The following AQP11 variants were observed in gnomAD, a reference collection of about 807,000 sequenced individuals.
AQP11 encodes aquaporin 11.
Under a neutral mutation model 21.1 loss-of-function variants are expected in AQP11, and 20 were observed. The observed-to-expected ratio is 0.95, with a 90% CI of 0.67 to 1.38. The LOEUF is 1.38. Ranked by LOEUF, AQP11 falls within the 40% of genes most tolerant of loss-of-function variation. The probability of loss-of-function intolerance (pLI) is 0.00; values close to 1 mark genes in which losing one functional copy is unlikely to be tolerated. For missense variants in AQP11, 339 were observed against 340.4 expected (o/e 1.00, Z 0.03); for synonymous variants, 167 against 150.1 (o/e 1.11, Z -0.82).
At chr11:77,600,128 T>TC (rs1276255328) in intron 1 of AQP11, among the ~76,000 whole-genome samples, 1 of 149,886 alleles carries the variant, frequency 6.7e-6, no homozygotes, top group Non-Finnish European at 1.5e-5. Context: ...CCCAGCTATT[T>TC]TTTTTTTTTT....
chr11:77,602,557 T>C (rs1054068163), intron 1 of AQP11, among the ~76,000 whole-genome samples: 12 of 152,202 alleles, frequency 7.9e-5, no homozygotes, highest in Non-Finnish European at 1.3e-4. Context: ...GCTGTGAGGC[T>C]GGTACACTAG....
intron 1 of AQP11, among the ~76,000 whole-genome samples, chr11:77,595,057 C>G (rs1170501507): frequency 6.6e-6 from 1 of 152,088 alleles, no homozygotes; most frequent in African/African-American, 2.4e-5. Flanking sequence ...TGAAAAACAC[C>G]TGGGCCGGGT....
At chr11:77,591,032 A>G (rs560396923) in intron 1 of AQP11, 2 of 985,432 alleles carry the variant, frequency 2.0e-6, no homozygotes, top group African/African-American at 3.5e-5. Context: ...CACAAGGCAC[A>G]TGATTGGTTA....
chr11:77,591,208 A>G (rs1367222138), intron 1 of AQP11: 37 of 946,406 alleles, frequency 3.9e-5, no homozygotes, highest in Non-Finnish European at 4.5e-5. Flanking sequence ...TATTAAGAAA[A>G]ATGTTTAAAT....
intron 1 of AQP11, among the ~76,000 whole-genome samples, chr11:77,593,059 T>G (rs535301284): frequency 2.1e-3 from 317 of 152,354 alleles, no homozygotes; most frequent in African/African-American, 7.2e-3. Flanking sequence ...ACACTTAAAT[T>G]AACTGAAATT....
chr11:77,602,103 TG>T (rs1958818714), intron 1 of AQP11, among the ~76,000 whole-genome samples: 2 of 152,220 alleles, frequency 1.3e-5, no homozygotes, highest in Non-Finnish European at 2.9e-5. Flanking sequence ...TCAGAACTGC[TG>T]TGTGAGGATG....
intron 2 of AQP11, among the ~76,000 whole-genome samples, chr11:77,606,395 T>C (rs867063788): frequency 2.0e-5 from 3 of 152,150 alleles, no homozygotes; most frequent in Non-Finnish European, 4.4e-5. Flanking sequence ...GTGTGATAGG[T>C]TGGGGAAAGT....
intron 1 of AQP11, among the ~76,000 whole-genome samples, chr11:77,598,063 C>CA (rs995502969): frequency 2.0e-5 from 3 of 152,136 alleles, no homozygotes; most frequent in African/African-American, 7.2e-5. Flanking sequence ...CAACTCCTGA[C>CA]AATGATATTT....
Position 77,590,333 on chromosome 11 carries a change from C to G in AQP11, c.341C>G (p.Pro114Arg). 4 of 1,610,848 alleles carry G rather than the reference C, an allele frequency of 2.5e-6. No homozygotes were observed. The highest frequency in any genetic ancestry group is 3.4e-6 in the Non-Finnish European group (4 of 1,177,540). ...CAGATGATGCTGGGGGGCATGTCCC[C>G]CGAGACGGGTGCGGTGAGGCTATTG... ...MMQMMLGGMS[P>R]ETGAVRLLAQ... is the part of the protein sequence containing the mutation. Residue 114 changes from proline to arginine, a missense_variant, in exon 1 of 3, where the codon CCC (proline) becomes CGC (arginine). Pro to Arg is a moderately radical substitution (Grantham distance 103). Coordinates refer to ENST00000313578, the MANE Select transcript of AQP11 (RefSeq NM_173039.3).
chr11:77,593,447 AAC>A (rs1307838879), intron 1 of AQP11, among the ~76,000 whole-genome samples: 1 of 152,192 alleles, frequency 6.6e-6, no homozygotes, highest in African/African-American at 2.4e-5. Flanking sequence ...TATCCTGGCT[AAC>A]ACGGTGAAAC....
rs886733880 is a variant in AQP11, at chr11:77,590,081, T to G, written c.89T>G (p.Leu30Arg). 2.5e-6 allele frequency: 4 copies of G among 1,607,398 alleles called. No homozygotes were observed. The highest frequency in any genetic ancestry group is 3.4e-6 in the Non-Finnish European group (4 of 1,179,258). The change falls in exon 1 of 3, where the codon CTG becomes CGG. Residue 30 changes from leucine to arginine, a missense_variant. Transcript: ENST00000313578. Reference sequence around the variant, plus strand: ...CTGTCGGTGGTGCTGCTCATGGGGCTGGCCCGCGTAGTCGCCCGGCAGCAG... The same window carrying G: ...CTGTCGGTGGTGCTGCTCATGGGGCGGGCCCGCGTAGTCGCCCGGCAGCAG... ...LMLSVVLLMG[L>R]ARVVARQQLH...
chr11:77,591,489 C>T (rs1211231630), intron 1 of AQP11, among the ~76,000 whole-genome samples: 1 of 152,220 alleles, frequency 6.6e-6, no homozygotes, highest in Admixed American at 6.5e-5. Context: ...TGGTAATAAT[C>T]TTCTGCCCAT....
chr11:77,593,642 CTCAAAAAAAAACAAAA>C (rs1242416854), intron 1 of AQP11, among the ~76,000 whole-genome samples: 1 of 150,530 alleles, frequency 6.6e-6, no homozygotes, highest in East Asian at 2.0e-4. Flanking sequence ...GAGACTCCGT[CTCAAAAAAAAACAAAA>C]ACAAAAAAAA....
chr11:77,593,019 T>G (rs1285193920), intron 1 of AQP11, among the ~76,000 whole-genome samples: 1 of 152,236 alleles, frequency 6.6e-6, no homozygotes, highest in Non-Finnish European at 1.5e-5. Flanking sequence ...ACTGTGCAAT[T>G]CAGTAGCCAC....
At chr11:77,594,055 G>A (rs542403538) in intron 1 of AQP11, among the ~76,000 whole-genome samples, 1 of 152,282 alleles carries the variant, frequency 6.6e-6, no homozygotes, top group East Asian at 1.9e-4. Context: ...CAGGGACTGT[G>A]GGGAGGAGGG....
intron 2 of AQP11, among the ~76,000 whole-genome samples, chr11:77,605,326 G>C (rs780966924): frequency 2.0e-5 from 3 of 152,146 alleles, no homozygotes; most frequent in Non-Finnish European, 4.4e-5. Context: ...AGTATGTCTG[G>C]AGACTAACAT....
At chr11:77,608,711 T>G (rs370003725) in intron 2 of AQP11, among the ~76,000 whole-genome samples, 84 of 152,324 alleles carry the variant, frequency 5.5e-4, no homozygotes, top group African/African-American at 1.9e-3. Context: ...GCTTGACACA[T>G]CTCTAAAACC....
At chr11:77,592,294 A>G (rs542639260) in intron 1 of AQP11, among the ~76,000 whole-genome samples, 4 of 152,188 alleles carry the variant, frequency 2.6e-5, no homozygotes, top group African/African-American at 9.6e-5. Flanking sequence ...AAAAAGAGAA[A>G]AAGAGTGACA....
chr11:77,590,224 A>T lies in AQP11; in HGVS notation c.232A>T (p.Thr78Ser). ...ACAGCACCCCGCGCACCCCACCTGG[A>T]CGCTGACGCTCGTCTACTTCTTCTC... ...SEQHPAHPTW[T>S]LTLVYFFSLV... Residue 78 changes from threonine (T) to serine (S), a missense_variant, in exon 1 of 3, where the codon ACG becomes TCG. Physicochemically the swap from Thr to Ser is moderately conservative, Grantham distance 58. Coordinates refer to ENST00000313578, the MANE Select transcript of AQP11 (RefSeq NM_173039.3). 1 of 1,594,288 alleles carries T rather than the reference A, an allele frequency of 6.3e-7. No individual in the cohort carries two copies. Among genetic ancestry groups the T allele is most frequent in the Non-Finnish European group, 8.5e-7 (1 of 1,170,064 alleles).
Sources: gnomAD v4.1 joint callset for allele counts (sites outside exome capture counted in the v4.1 genomes callset) on GRCh38, gnomAD v4.1.1 for gene constraint, MANE v1.5 for transcripts, NCBI Gene and HGNC (gene_info 2026-07-23, HGNC 2026-07-21) for gene names.